FBXL4: variants seen among roughly 807,000 people sequenced by gnomAD.
FBXL4 encodes F-box and leucine rich repeat protein 4, also known as F-box/LRR-repeat protein 4.
FBXL4 carries 40 observed loss-of-function variants against 58.9 expected under a neutral mutation model. That is an observed-to-expected ratio of 0.68 (90% CI 0.53 to 0.88). The LOEUF is 0.88. Among genes scored for constraint, FBXL4 ranks in the 40% least tolerant of loss-of-function variants. FBXL4 has a pLI of 0.00. For synonymous variants in FBXL4, 263 were observed against 265.5 expected (o/e 0.99, Z 0.09); for missense variants, 676 against 734.4 (o/e 0.92, Z 0.92).
chr6:98,905,409 C>T lies in FBXL4; in HGVS notation c.1103+17G>A. 2 of 1,608,552 alleles carry T rather than the reference C, an allele frequency of 1.2e-6. No individual in the cohort carries two copies. The highest frequency in any genetic ancestry group is 1.7e-6 in the Non-Finnish European group (2 of 1,175,426). On this transcript the variant is annotated intron_variant, in intron 6 of 9. Transcript: ENST00000369244. ...CTGCTGGGGGGGAAAAAAACTTCAT[C>T]AAGGCTTTGTACTAACCTGCTAAAT... is the stretch of plus-strand genomic sequence containing the variant.
intron 6 of FBXL4, among the ~76,000 whole-genome samples, chr6:98,904,846 C>T (rs1437519100): frequency 6.6e-6 from 1 of 152,126 alleles, no homozygotes. Context: ...CTTTCAAATG[C>T]TTAACAGGTG....
At chr6:98,898,742 A>G (rs1428430684) in intron 7 of FBXL4, 1 of 984,974 alleles carries the variant, frequency 1.0e-6, no homozygotes, top group Non-Finnish European at 1.2e-6. Flanking sequence ...TATTACAGTA[A>G]AAGAGTTAGA....
chr6:98,945,303 C>T (rs1582467898), intron 1 of FBXL4, among the ~76,000 whole-genome samples: 1 of 151,948 alleles, frequency 6.6e-6, no homozygotes, highest in Admixed American at 6.5e-5. Context: ...AATGAAATAC[C>T]AAAAGACTTA....
chr6:98,875,296 TA>T (rs1392176875), intron 9 of FBXL4, 118 bp downstream of exon 9: 1 of 854,590 alleles, frequency 1.2e-6, no homozygotes, highest in South Asian at 1.4e-5. Flanking sequence ...CAAGCCATCT[TA>T]TCAGGATAAA....
chr6:98,920,414 A>C (rs1020892849), intron 4 of FBXL4, among the ~76,000 whole-genome samples: 1 of 152,158 alleles, frequency 6.6e-6, no homozygotes, highest in Non-Finnish European at 1.5e-5. Flanking sequence ...TTATACTTAA[A>C]GTGGAATATC....
At chr6:98,883,686 T>C (rs2128380774) in intron 7 of FBXL4, among the ~76,000 whole-genome samples, 1 of 152,088 alleles carries the variant, frequency 6.6e-6, no homozygotes, top group Admixed American at 6.6e-5. Flanking sequence ...TTTGTAATGC[T>C]TTCTGTCATA....
intron 1 of FBXL4, among the ~76,000 whole-genome samples, chr6:98,946,702 G>T (rs888436127): frequency 1.3e-5 from 2 of 152,180 alleles, no homozygotes; most frequent in African/African-American, 4.8e-5. Flanking sequence ...AACTTTTGGC[G>T]CAGAAGTTTA....
intron 5 of FBXL4, among the ~76,000 whole-genome samples, chr6:98,911,639 A>G (rs934790592): frequency 2.5e-4 from 38 of 152,326 alleles, no homozygotes; most frequent in Admixed American, 2.5e-3. Context: ...TAGAAGGAAA[A>G]CTAACAAACA....
chr6:98,877,026 T>C (rs1770686372), intron 8 of FBXL4, among the ~76,000 whole-genome samples: 1 of 152,142 alleles, frequency 6.6e-6, no homozygotes, highest in Non-Finnish European at 1.5e-5. Flanking sequence ...AGGAAGCTCA[T>C]TGAAGAGGTC....
At chr6:98,917,776 T>C in intron 4 of FBXL4, 57 bp from the exon 5 acceptor site, 3 of 1,344,050 alleles carry the variant, frequency 2.2e-6, no homozygotes, top group East Asian at 2.3e-5. Context: ...TACTGGTCCC[T>C]TAAGGTTATA....
chr6:98,915,355 T>C (rs1429195085), intron 5 of FBXL4, among the ~76,000 whole-genome samples: 1 of 152,136 alleles, frequency 6.6e-6, no homozygotes, highest in Non-Finnish European at 1.5e-5. Flanking sequence ...AGAGCCCACA[T>C]CACCAAGTCA....
intron 7 of FBXL4, among the ~76,000 whole-genome samples, chr6:98,881,649 A>C (rs1770857538): frequency 6.6e-6 from 1 of 152,088 alleles, no homozygotes; most frequent in Admixed American, 6.5e-5. Flanking sequence ...CTCAAATGTA[A>C]GGTTACTTAA....
chr6:98,908,869 G>A (rs2128395095), intron 5 of FBXL4, among the ~76,000 whole-genome samples: 1 of 152,062 alleles, frequency 6.6e-6, no homozygotes, highest in East Asian at 1.9e-4. Flanking sequence ...AGTCCTCCAA[G>A]TAAAATAACT....
At chr6:98,894,654 T>C (rs1165304561) in intron 7 of FBXL4, among the ~76,000 whole-genome samples, 2 of 152,226 alleles carry the variant, frequency 1.3e-5, no homozygotes, top group Non-Finnish European at 2.9e-5. Flanking sequence ...CTGTCTTTTA[T>C]TGATGTAATA....
intron 8 of FBXL4, among the ~76,000 whole-genome samples, chr6:98,876,528 T>C (rs1473608852): frequency 1.3e-5 from 2 of 152,254 alleles, no homozygotes; most frequent in African/African-American, 4.8e-5. Flanking sequence ...TGTTTAATTG[T>C]ATTTTCAACA....
rs545027066 is a variant in FBXL4 at position 98,917,560 on chromosome 6, C to T, written c.672G>A (p.Val224=). ...CTGGCTTGTCCTTCACACCATGTAGCACAACTGCATCTAATTCAGTGTAAT... is the reference window on the plus strand; with the variant it reads ...CTGGCTTGTCCTTCACACCATGTAGTACAACTGCATCTAATTCAGTGTAAT... ...LEYYTELDAV[V]LHGVKDKPVL... is the part of the protein sequence containing the mutation. The change falls in exon 5 of 10, where the codon GTG becomes GTA. Residue 224 remains valine (V), a synonymous_variant. Transcript: ENST00000369244. 2.0e-5 allele frequency: 33 copies of T among 1,614,012 alleles called. No individual in the cohort carries two copies. In the South Asian group the frequency reaches 2.6e-4, roughly 13 times the overall value.
intron 1 of FBXL4, among the ~76,000 whole-genome samples, chr6:98,942,361 C>T (rs145857932): frequency 9.2e-5 from 14 of 152,134 alleles, no homozygotes; most frequent in African/African-American, 3.1e-4. Context: ...ATATGGTTTG[C>T]ATCTGTGTCT....
intron 2 of FBXL4, 98 bp downstream of exon 2, chr6:98,934,658 TCTCTTA>T (rs1281648901): frequency 6.6e-6 from 1 of 152,210 alleles, no homozygotes; most frequent in East Asian, 1.9e-4. Flanking sequence ...TATATGCCTC[TCTCTTA>T]CTCTAAGTAA....
intron 2 of FBXL4, among the ~76,000 whole-genome samples, chr6:98,933,942 C>T (rs1469826226): frequency 6.6e-6 from 1 of 151,992 alleles, no homozygotes; most frequent in Non-Finnish European, 1.5e-5. Context: ...AAAATTGAAG[C>T]GCAATAGGTA....
Sources: allele counts gnomAD v4.1 joint callset (sites outside exome capture counted in the v4.1 genomes callset), GRCh38; gene constraint gnomAD v4.1.1; transcripts MANE v1.5; gene names NCBI Gene and HGNC (gene_info 2026-07-23, HGNC 2026-07-21).